Variants in TCF7L1 observed in about 807,000 individuals in gnomAD.
TCF7L1 encodes transcription factor 7 like 1.
Under a neutral mutation model 63.7 loss-of-function variants are expected in TCF7L1, and 18 were observed. That is an observed-to-expected ratio of 0.28 (90% CI 0.20 to 0.42). TCF7L1 has a LOEUF of 0.42. Among genes scored for constraint, TCF7L1 ranks in the 10% least tolerant of loss-of-function variants. The pLI is 1.00. For synonymous variants in TCF7L1, 355 were observed against 340.9 expected, an observed-to-expected ratio of 1.04 and a Z score of -0.46; for missense variants, 654 against 779.3, an observed-to-expected ratio of 0.84 and a Z score of 1.91.
intron 3 of TCF7L1, among the ~76,000 whole-genome samples, chr2:85,187,704 C>T (rs567662445): frequency 2.6e-5 from 4 of 152,204 alleles, no homozygotes; most frequent in African/African-American, 4.8e-5. Context: ...CTACCAAGAC[C>T]ATGCTGTCAC....
intron 3 of TCF7L1, among the ~76,000 whole-genome samples, chr2:85,155,547 T>A (rs1451072504): frequency 1.3e-5 from 2 of 152,224 alleles, no homozygotes; most frequent in Admixed American, 1.3e-4. Context: ...AGAACCCACT[T>A]TGAGAACCAT....
chr2:85,182,900 A>G (rs1678836144), intron 3 of TCF7L1, among the ~76,000 whole-genome samples: 1 of 152,128 alleles, frequency 6.6e-6, no homozygotes, highest in Non-Finnish European at 1.5e-5. Context: ...CTCCAGAGGA[A>G]AGGTCCTGAG....
chr2:85,136,572 T>C (rs374485066), intron 3 of TCF7L1, among the ~76,000 whole-genome samples: 58 of 152,292 alleles, frequency 3.8e-4, no homozygotes, highest in East Asian at 2.7e-3. Flanking sequence ...CTAGGACATG[T>C]ACTTTCTTGG....
At chr2:85,213,217 A>G (rs1285880809) in intron 3 of TCF7L1, among the ~76,000 whole-genome samples, 1 of 152,174 alleles carries the variant, frequency 6.6e-6, no homozygotes, top group Non-Finnish European at 1.5e-5. Flanking sequence ...GGGAGCAGCC[A>G]TGACAAGGAA....
At chr2:85,207,645 T>C (rs1679439493) in intron 3 of TCF7L1, among the ~76,000 whole-genome samples, 1 of 151,622 alleles carries the variant, frequency 6.6e-6, no homozygotes, top group Non-Finnish European at 1.5e-5. Context: ...GGAATAGTTC[T>C]TTCACCAAGC....
intron 3 of TCF7L1, among the ~76,000 whole-genome samples, chr2:85,139,522 T>C (rs1677673064): frequency 6.6e-6 from 1 of 152,182 alleles, no homozygotes; most frequent in Non-Finnish European, 1.5e-5. Flanking sequence ...ATTTTCATAA[T>C]AGAAATTGAG....
chr2:85,284,959 C>T (rs1204505791), intron 4 of TCF7L1, among the ~76,000 whole-genome samples: 1 of 152,174 alleles, frequency 6.6e-6, no homozygotes, highest in Non-Finnish European at 1.5e-5. Flanking sequence ...GATAGCTGGG[C>T]GCAGTGGCTC....
intron 3 of TCF7L1, among the ~76,000 whole-genome samples, chr2:85,136,795 AGT>A (rs1342855831): frequency 1.3e-5 from 2 of 152,314 alleles, no homozygotes; most frequent in East Asian, 3.9e-4. Context: ...AAGTAAAGCA[AGT>A]GAGGAAACAC....
chr2:85,235,330 C>CT (rs1291526849), intron 3 of TCF7L1, among the ~76,000 whole-genome samples: 2 of 151,698 alleles, frequency 1.3e-5, no homozygotes, highest in African/African-American at 2.4e-5. Flanking sequence ...TCATTATGGA[C>CT]TTTGTCTGTC....
chr2:85,279,242 G>C (rs116578071), intron 3 of TCF7L1, among the ~76,000 whole-genome samples: 3 of 152,180 alleles, frequency 2.0e-5, no homozygotes, highest in East Asian at 1.9e-4. Context: ...CAGGGTGATC[G>C]TGGGGTTGGC....
intron 3 of TCF7L1, among the ~76,000 whole-genome samples, chr2:85,237,591 G>A (rs903524312): frequency 6.6e-6 from 1 of 152,082 alleles, no homozygotes; most frequent in African/African-American, 2.4e-5. Context: ...CAGGAGATTG[G>A]GTTGGGGGCA....
chr2:85,186,208 C>T (rs1004018601), intron 3 of TCF7L1, among the ~76,000 whole-genome samples: 1 of 152,130 alleles, frequency 6.6e-6, no homozygotes, highest in Non-Finnish European at 1.5e-5. Context: ...ACCTCGTGAT[C>T]CGCCTGCCTC....
intron 3 of TCF7L1, among the ~76,000 whole-genome samples, chr2:85,241,731 C>T (rs1259074315): frequency 6.6e-6 from 1 of 152,066 alleles, no homozygotes; most frequent in East Asian, 1.9e-4. Flanking sequence ...AGGCATGAGC[C>T]ATCGGGCCCA....
intron 3 of TCF7L1, among the ~76,000 whole-genome samples, chr2:85,218,641 G>GGC (rs982693804): frequency 5.7e-5 from 8 of 140,014 alleles, no homozygotes; most frequent in African/African-American, 1.0e-4. Context: ...TATTCCAATG[G>GGC]GGGGGGGAAA....
intron 4 of TCF7L1, among the ~76,000 whole-genome samples, chr2:85,293,463 T>G (rs998965739): frequency 6.6e-6 from 1 of 152,136 alleles, no homozygotes; most frequent in African/African-American, 2.4e-5. Context: ...TCCTGAGGCC[T>G]CCCCAGGAGC....
At chr2:85,189,676 T>C (rs1329991892) in intron 3 of TCF7L1, among the ~76,000 whole-genome samples, 1 of 152,142 alleles carries the variant, frequency 6.6e-6, no homozygotes, top group Non-Finnish European at 1.5e-5. Context: ...ACCCCGGGGC[T>C]GGAGCCCTCC....
intron 3 of TCF7L1, among the ~76,000 whole-genome samples, chr2:85,223,354 C>A (rs1679889048): frequency 6.6e-6 from 1 of 152,202 alleles, no homozygotes. Context: ...AGCCACCACA[C>A]CTGGCCACAA....
chr2:85,220,071 TAAA>T (rs1679808341), intron 3 of TCF7L1, among the ~76,000 whole-genome samples: 1 of 152,102 alleles, frequency 6.6e-6, no homozygotes, highest in African/African-American at 2.4e-5. Context: ...CTTTTCAAAA[TAAA>T]AAATTGAAGA....
intron 3 of TCF7L1, among the ~76,000 whole-genome samples, chr2:85,160,059 A>G (rs1574083894): frequency 2.0e-5 from 3 of 152,198 alleles, no homozygotes; most frequent in Non-Finnish European, 4.4e-5. Flanking sequence ...TTTTCCTTTC[A>G]AAAATTTTAA....
Sources: gnomAD v4.1 joint callset for allele counts (sites outside exome capture counted in the v4.1 genomes callset) on GRCh38, gnomAD v4.1.1 for gene constraint, MANE v1.5 for transcripts, NCBI Gene and HGNC (gene_info 2026-07-23, HGNC 2026-07-21) for gene names.